The following DENND10 variants were observed in gnomAD, a reference collection of about 807,000 sequenced individuals.
The protein encoded by DENND10 is DENN domain-containing protein 10.
DENND10 carries 24 observed loss-of-function variants against 43.6 expected under a neutral mutation model. The ratio of observed to expected loss-of-function variants is 0.55; its 90% CI spans 0.40 to 0.77. The LOEUF (loss-of-function observed/expected upper bound fraction) is 0.77, where lower values mean the gene tolerates loss of function less well. DENND10 is among the 30% of genes least tolerant of loss of function. The pLI, the probability that DENND10 is intolerant of heterozygous loss-of-function variation, is 0.00. For missense variants in DENND10, 303 were observed against 429.9 expected, an observed-to-expected ratio of 0.70 and a Z score of 2.61; for synonymous variants, 125 against 157.6, an observed-to-expected ratio of 0.79 and a Z score of 1.55.
chr10:119,136,017 A>T (rs1344009070), intron 8 of DENND10, among the ~76,000 whole-genome samples: 1 of 151,956 alleles, frequency 6.6e-6, no homozygotes, highest in Non-Finnish European at 1.5e-5. Context: ...CTCTACAAAA[A>T]GTATTTAAAA....
chr10:119,130,129 C>G (rs996899605), intron 7 of DENND10, among the ~76,000 whole-genome samples: 8 of 151,696 alleles, frequency 5.3e-5, no homozygotes, highest in African/African-American at 1.5e-4. Flanking sequence ...CTCAGCCTCC[C>G]GAGTAGTTGG....
At chr10:119,115,141 G>T (rs1845185322) in intron 3 of DENND10, among the ~76,000 whole-genome samples, 1 of 152,026 alleles carries the variant, frequency 6.6e-6, no homozygotes, top group Admixed American at 6.6e-5. Flanking sequence ...AGAAACACAG[G>T]AGAATATGCA....
chr10:119,127,446 T>TTTTTC (rs1328799234), intron 6 of DENND10, among the ~76,000 whole-genome samples: 1 of 151,990 alleles, frequency 6.6e-6, no homozygotes, highest in Non-Finnish European at 1.5e-5. Flanking sequence ...AGGTTTTGTT[T>TTTTTC]TTGTTGTTTT....
intron 3 of DENND10, among the ~76,000 whole-genome samples, chr10:119,112,964 C>T (rs1180155657): frequency 1.3e-5 from 2 of 151,894 alleles, no homozygotes; most frequent in Non-Finnish European, 2.9e-5. Context: ...ATTCTCTTGC[C>T]TCAGCCTCCC....
At position 119,107,853 on chromosome 10, in the gene DENND10, T is replaced by A. The variant is rs138953723; in HGVS notation, c.56-115T>A. On this transcript the variant is annotated intron_variant, in intron 1 of 8. Coordinates refer to ENST00000361432, the MANE Select transcript of DENND10 (RefSeq NM_207009.4). ...AATTTGGGGTGTCAGGTATTGTGAG[T>A]TGCTTTGTAAGATGGGATGTTAAAA... 1.3e-5 allele frequency: 12 copies of A among 925,722 alleles called. No individual in the cohort carries two copies. In the African/African-American group the frequency reaches 2.0e-4, roughly 15 times the overall value. 57.3% of individuals were successfully genotyped at this position (925,722 alleles called of 1,614,324 possible). A position where few individuals can be genotyped will look rare whatever the true frequency, so the allele number is the denominator to read the frequency against.
intron 6 of DENND10, among the ~76,000 whole-genome samples, chr10:119,125,563 A>G (rs924871562): frequency 1.6e-5 from 2 of 128,132 alleles, no homozygotes; most frequent in African/African-American, 5.9e-5. Context: ...GCTGGAGTGC[A>G]GTGGCACGAT....
chr10:119,104,388 G>A (rs985688274), intron 1 of DENND10, among the ~76,000 whole-genome samples, 191 bp downstream of exon 1: 17 of 151,266 alleles, frequency 1.1e-4, no homozygotes, highest in Non-Finnish European at 2.4e-4. Context: ...CCGGCCCGCC[G>A]CCCTCGCCCG....
chr10:119,124,828 G>A (rs1234760016), intron 6 of DENND10, among the ~76,000 whole-genome samples: 5 of 152,096 alleles, frequency 3.3e-5, no homozygotes, highest in African/African-American at 7.2e-5. Context: ...TTGGGAGGCC[G>A]AGGTGGGGTG....
rs1443245769 is a variant in DENND10, at chr10:119,137,830, C to T, written c.*1183C>T. 1 of 165,664 alleles carries T rather than the reference C, an allele frequency of 6.0e-6. No homozygotes were observed. Among genetic ancestry groups the T allele is most frequent in the Non-Finnish European group, 1.5e-5 (1 of 67,870 alleles). The allele number at this position is 165,664 out of a possible 1,614,324, so 10.3% of individuals were successfully genotyped here. A position where few individuals can be genotyped will look rare whatever the true frequency, so the allele number is the denominator to read the frequency against. On this transcript the variant is annotated 3_prime_UTR_variant, in exon 9 of 9. Transcript: ENST00000361432. ...TGAAATAAGACAATGTTTACTAAGG[C>T]AAATAATTGAAAATTAAATCTGCAC... is the stretch of plus-strand genomic sequence containing the variant.
At chr10:119,130,241 A>G (rs552138023) in intron 7 of DENND10, among the ~76,000 whole-genome samples, 3 of 151,354 alleles carry the variant, frequency 2.0e-5, no homozygotes, top group East Asian at 1.9e-4. Context: ...GCTCACTGCA[A>G]CCTCCGCCTC....
intron 1 of DENND10, among the ~76,000 whole-genome samples, chr10:119,106,650 A>G (rs959020893): frequency 6.6e-6 from 1 of 152,208 alleles, no homozygotes; most frequent in Non-Finnish European, 1.5e-5. Flanking sequence ...AACAATTTTA[A>G]ATACAAAATT....
At chr10:119,119,294 G>A (rs184801618) in intron 4 of DENND10, among the ~76,000 whole-genome samples, 89 of 151,394 alleles carry the variant, frequency 5.9e-4, no homozygotes, top group African/African-American at 2.0e-3. Context: ...ATGAGCTTCC[G>A]CGCCCGGCCG....
chr10:119,120,582 T>G (rs1845524465), intron 5 of DENND10, 130 bp downstream of exon 5: 1 of 654,710 alleles, frequency 1.5e-6, no homozygotes. Context: ...ACCTTTGGTC[T>G]GAAGTTTCTG....
rs367627444 is a variant in DENND10, at chr10:119,111,819, G to T, written c.253-30G>T. ...AATTCTGCTAAAGTGTATTTAAAAAGTGTATTTTTTTGTTGTTTCTTTTGA... is the reference window on the plus strand; with the variant it reads ...AATTCTGCTAAAGTGTATTTAAAAATTGTATTTTTTTGTTGTTTCTTTTGA... On this transcript the variant is annotated intron_variant, in intron 2 of 8. Transcript: ENST00000361432. 47 of 1,506,006 alleles carry T rather than the reference G, an allele frequency of 3.1e-5. No individual in the cohort carries two copies. The African/African-American group carries it at 6.1e-4, about 19-fold the overall frequency. The allele number at this position is 1,506,006 out of a possible 1,614,324, so 93.3% of individuals were successfully genotyped here.
intron 1 of DENND10, among the ~76,000 whole-genome samples, chr10:119,106,386 C>T (rs1844699078): frequency 6.6e-6 from 1 of 152,156 alleles, no homozygotes; most frequent in African/African-American, 2.4e-5. Context: ...TCTCTGTTGA[C>T]TAGGCTGGAA....
chr10:119,115,146 T>C (rs1279204690), intron 3 of DENND10, among the ~76,000 whole-genome samples: 1 of 152,078 alleles, frequency 6.6e-6, no homozygotes, highest in Non-Finnish European at 1.5e-5. Context: ...CACAGGAGAA[T>C]ATGCAGTGAA....
intron 6 of DENND10, among the ~76,000 whole-genome samples, chr10:119,124,448 C>T (rs538603692): frequency 6.6e-6 from 1 of 150,792 alleles, no homozygotes; most frequent in African/African-American, 2.4e-5. Context: ...GGCTGAGGCA[C>T]AAGAATCACT....
chr10:119,136,415 A>G (rs1846362711), intron 8 of DENND10, 56 bp from the exon 9 acceptor site: 1 of 1,553,896 alleles, frequency 6.4e-7, no homozygotes, highest in Admixed American at 2.1e-5. Flanking sequence ...TCTAGAGACT[A>G]AATATTCAAA....
At chr10:119,120,598 C>T in intron 5 of DENND10, 146 bp downstream of exon 5, 1 of 633,218 alleles carries the variant, frequency 1.6e-6, no homozygotes, top group East Asian at 2.8e-5. Flanking sequence ...TTCTGTTTAG[C>T]TCTAGTAGTT....
Sources: allele counts gnomAD v4.1 joint callset (sites outside exome capture counted in the v4.1 genomes callset), GRCh38; gene constraint gnomAD v4.1.1; transcripts MANE v1.5; gene names NCBI Gene and HGNC (gene_info 2026-07-23, HGNC 2026-07-21).